GABRA1: variants seen among roughly 807,000 people sequenced by gnomAD.
GABRA1 encodes the protein gamma-aminobutyric acid receptor subunit alpha-1.
GABRA1 carries 9 observed loss-of-function variants against 48.9 expected under a neutral mutation model. The observed-to-expected ratio is 0.18, with a 90% CI of 0.11 to 0.32. The LOEUF is 0.32. Ranked by LOEUF, GABRA1 falls within the 10% of genes least tolerant of loss-of-function variation. The probability of loss-of-function intolerance (pLI) is 1.00; values close to 1 mark genes in which losing one functional copy is unlikely to be tolerated. For synonymous variants in GABRA1, 210 were observed against 198.7 expected, an observed-to-expected ratio of 1.06 and a Z score of -0.48; for missense variants, 285 against 553.8, an observed-to-expected ratio of 0.51 and a Z score of 4.87.
At chr5:161,863,180 C>T (rs1417723651) in intron 3 of GABRA1, among the ~76,000 whole-genome samples, 3 of 151,632 alleles carry the variant, frequency 2.0e-5, no homozygotes, top group African/African-American at 4.8e-5. Context: ...TACACATATA[C>T]AGTGTGTATA....
chr5:161,893,745 C>G (rs17059827), intron 8 of GABRA1, among the ~76,000 whole-genome samples: 8,605 of 152,186 alleles, frequency 0.057, 316 homozygotes, highest in South Asian at 0.12. Context: ...TTTACTTCCT[C>G]TTATGGAGCT....
intron 5 of GABRA1, 87 bp downstream of exon 5, chr5:161,873,424 G>A (rs1238584595): frequency 9.3e-7 from 1 of 1,073,578 alleles, no homozygotes; most frequent in Non-Finnish European, 1.4e-6. Context: ...ATGAGCCATG[G>A]TGGAATATTT....
At chr5:161,893,004 C>CAAAAAAAAAAAAA (rs201136274) in intron 8 of GABRA1, among the ~76,000 whole-genome samples, 3 of 33,964 alleles carry the variant, frequency 8.8e-5, no homozygotes, top group African/African-American at 3.0e-4. Flanking sequence ...GACTCCTTCT[C>CAAAAAAAAAAAAA]AAAAAAATAA....
chr5:161,858,653 A>T (rs1052638644), intron 3 of GABRA1, among the ~76,000 whole-genome samples: 1 of 151,766 alleles, frequency 6.6e-6, no homozygotes, highest in African/African-American at 2.4e-5. Context: ...CTATAAACAC[A>T]TTCATTTCAC....
At chr5:161,848,822 G>A in intron 1 of GABRA1, 1 of 335,260 alleles carries the variant, frequency 3.0e-6, no homozygotes. Context: ...TTGGGGAGGG[G>A]CGTCGGGGGC....
At chr5:161,883,864 A>C (rs1754722882) in intron 7 of GABRA1, among the ~76,000 whole-genome samples, 1 of 152,070 alleles carries the variant, frequency 6.6e-6, no homozygotes, top group South Asian at 2.1e-4. Flanking sequence ...CAGAAGCTTA[A>C]ATGTTTATGT....
At chr5:161,873,991 A>G (rs1043526722) in intron 5 of GABRA1, among the ~76,000 whole-genome samples, 1 of 152,196 alleles carries the variant, frequency 6.6e-6, no homozygotes, top group Non-Finnish European at 1.5e-5. Context: ...TATATAGAAA[A>G]AAAGAGATGT....
chr5:161,892,332 G>A (rs1207046731), intron 8 of GABRA1, among the ~76,000 whole-genome samples: 6 of 152,080 alleles, frequency 3.9e-5, no homozygotes, highest in Admixed American at 3.9e-4. Context: ...GATTCCTATG[G>A]TATCATTTTT....
chr5:161,868,797 T>C (rs1476965215), intron 4 of GABRA1, among the ~76,000 whole-genome samples: 2 of 152,184 alleles, frequency 1.3e-5, no homozygotes, highest in Non-Finnish European at 2.9e-5. Context: ...TTAATTGTGA[T>C]TCCATAAACC....
chr5:161,893,289 G>A (rs1408974576), intron 8 of GABRA1, among the ~76,000 whole-genome samples: 1 of 151,872 alleles, frequency 6.6e-6, no homozygotes, highest in Non-Finnish European at 1.5e-5. Flanking sequence ...ATAACTATAT[G>A]TCTGTAAACT....
intron 5 of GABRA1, 43 bp from the exon 6 acceptor site, chr5:161,875,517 C>T: frequency 1.4e-6 from 2 of 1,458,404 alleles, no homozygotes; most frequent in East Asian, 2.3e-5. Context: ...CAAGAAGTAT[C>T]TAATCTATAT....
chr5:161,870,568 G>GAAA (rs748877866), intron 4 of GABRA1, among the ~76,000 whole-genome samples: 1 of 60,392 alleles, frequency 1.7e-5, no homozygotes, highest in Non-Finnish European at 3.5e-5. Flanking sequence ...AACTCCTTCA[G>GAAA]AAAAAAAAAA....
intron 6 of GABRA1, among the ~76,000 whole-genome samples, chr5:161,876,842 T>C (rs1561577378): frequency 6.6e-6 from 1 of 152,188 alleles, no homozygotes; most frequent in African/African-American, 2.4e-5. Context: ...ATTTGTATAT[T>C]TATAAGTTCA....
intron 2 of GABRA1, 75 bp downstream of exon 2, chr5:161,850,959 G>T (rs1174123960): frequency 5.6e-6 from 7 of 1,253,116 alleles, no homozygotes; most frequent in Non-Finnish European, 7.0e-6. Flanking sequence ...GAAGAAAATT[G>T]TCCTCAAATG....
chr5:161,882,146 T>A (rs539863290), intron 6 of GABRA1: 7 of 265,836 alleles, frequency 2.6e-5, no homozygotes, highest in Admixed American at 2.5e-4. Flanking sequence ...TTAGGATAAG[T>A]CTCCATCCCT....
At chr5:161,891,830 C>T (rs1755104258) in intron 8 of GABRA1, among the ~76,000 whole-genome samples, 1 of 152,182 alleles carries the variant, frequency 6.6e-6, no homozygotes, top group African/African-American at 2.4e-5. Flanking sequence ...CAAATCACCA[C>T]TCTCGTTATG....
rs748100563 is a variant in GABRA1 at position 161,850,894 on chromosome 5, C to CT, written c.74+16dup. On this transcript the variant is annotated intron_variant, in intron 2 of 9. Transcript: ENST00000393943. ...CACTGACTGGAAGAAGGTGGGGACA[C>CT]TTTTTTAAAAATCTGCATGAAAATT... is the stretch of plus-strand genomic sequence containing the variant. The CT allele has an allele frequency of 1.9e-6, 3 of 1,610,094 alleles. No individual in the cohort carries two copies. Among genetic ancestry groups the CT allele is most frequent in the African/African-American group, 2.7e-5 (2 of 74,790 alleles).
intron 2 of GABRA1, 61 bp downstream of exon 2, chr5:161,850,945 G>A (rs1051289000): frequency 1.8e-5 from 25 of 1,414,806 alleles, no homozygotes; most frequent in South Asian, 6.9e-5. Context: ...TTATTTTATC[G>A]GGGGAAGAAA....
intron 7 of GABRA1, among the ~76,000 whole-genome samples, chr5:161,886,209 T>A (rs911365343): frequency 4.6e-5 from 7 of 152,072 alleles, no homozygotes; most frequent in African/African-American, 1.7e-4. Context: ...GTCATACCAA[T>A]AACAGGCATC....
Sources: allele counts gnomAD v4.1 joint callset (sites outside exome capture counted in the v4.1 genomes callset), GRCh38; gene constraint gnomAD v4.1.1; transcripts MANE v1.5; gene names NCBI Gene and HGNC (gene_info 2026-07-23, HGNC 2026-07-21).